PCDH15: variants seen among roughly 807,000 people sequenced by gnomAD.
PCDH15 encodes protocadherin-15.
Under a neutral mutation model 178.5 loss-of-function variants are expected in PCDH15, and 129 were observed. That is an observed-to-expected ratio of 0.72 (90% CI 0.63 to 0.84). The LOEUF (loss-of-function observed/expected upper bound fraction) is 0.84, where lower values mean the gene tolerates loss of function less well. PCDH15 is among the 40% of genes least tolerant of loss of function. PCDH15 has a pLI of 0.00. For missense variants in PCDH15, 2,230 were observed against 2,099.9 expected (o/e 1.06, Z -1.21); for synonymous variants, 800 against 732.0 (o/e 1.09, Z -1.50).
chr10:55,256,133 G>A (rs1469025697), intron 1 of PCDH15, among the ~76,000 whole-genome samples: 1 of 152,012 alleles, frequency 6.6e-6, no homozygotes, highest in Non-Finnish European at 1.5e-5. Flanking sequence ...TGTATAAGGT[G>A]TAAGGAAGAG....
At chr10:54,579,603 G>A (rs142625532) in intron 2 of PCDH15, among the ~76,000 whole-genome samples, 1 of 151,918 alleles carries the variant, frequency 6.6e-6, no homozygotes, top group Non-Finnish European at 1.5e-5. Context: ...AATAATCCTG[G>A]ACTTAAATTT....
intron 2 of PCDH15, among the ~76,000 whole-genome samples, chr10:54,528,723 G>A (rs1485581648): frequency 2.0e-5 from 3 of 151,974 alleles, no homozygotes; most frequent in African/African-American, 4.8e-5. Flanking sequence ...CTTATGAACA[G>A]TCTGTTATCT....
At chr10:55,131,574 T>C (rs1347421796) in intron 2 of PCDH15, among the ~76,000 whole-genome samples, 1 of 152,174 alleles carries the variant, frequency 6.6e-6, no homozygotes, top group Non-Finnish European at 1.5e-5. Flanking sequence ...TACAGACAAC[T>C]GGAGCATGAG....
At chr10:54,844,835 T>C (rs570789712) in intron 3 of PCDH15, among the ~76,000 whole-genome samples, 1 of 151,984 alleles carries the variant, frequency 6.6e-6, no homozygotes, top group Non-Finnish European at 1.5e-5. Flanking sequence ...ATGCACTTGA[T>C]GTTTTTTCAG....
At chr10:54,946,752 G>C (rs16906724) in intron 2 of PCDH15, among the ~76,000 whole-genome samples, 5,117 of 151,896 alleles carry the variant, frequency 0.034, 292 homozygotes, top group African/African-American at 0.11. Flanking sequence ...CTTATTACTT[G>C]ATGGAGCAAT....
intron 1 of PCDH15, among the ~76,000 whole-genome samples, chr10:55,276,461 A>G (rs1842599014): frequency 6.6e-6 from 1 of 151,158 alleles, no homozygotes; most frequent in Non-Finnish European, 1.5e-5. Flanking sequence ...AAAATATTTT[A>G]AAATTTATTG....
Position 55,492,028 on chromosome 10 carries a change from C to T in PCDH15, c.-156+135597G>A, listed in dbSNP as rs78799240. ...GGTCCGTGAAGTTTTAACCCTACTT[C>T]TGACCACAAACTGATTGAACAATAA... On this transcript the variant is annotated intron_variant, in intron 2 of 5. Coordinates refer to the PCDH15 transcript ENST00000613346. Among the ~76,000 whole-genome samples the T allele has an allele frequency of 1.9e-3, 290 of 151,798 alleles. 2 individuals are homozygous for T. The highest frequency in any genetic ancestry group is 6.8e-3 in the African/African-American group (283 of 41,450).
intron 3 of PCDH15, among the ~76,000 whole-genome samples, chr10:54,810,364 C>T (rs1441925016): frequency 1.3e-5 from 2 of 152,202 alleles, no homozygotes; most frequent in East Asian, 1.9e-4. Context: ...TTCCTTATTA[C>T]AGGAGTAGGA....
At chr10:53,962,215 T>C (rs759746194) in intron 21 of PCDH15, among the ~76,000 whole-genome samples, 26 of 152,180 alleles carry the variant, frequency 1.7e-4, no homozygotes, top group Non-Finnish European at 3.7e-4. Context: ...CAATATCTCC[T>C]TTTTTAAATT....
At chr10:55,058,279 C>T (rs1591866167) in intron 2 of PCDH15, among the ~76,000 whole-genome samples, 1 of 152,094 alleles carries the variant, frequency 6.6e-6, no homozygotes, top group Admixed American at 6.5e-5. Context: ...AGCAAAATCA[C>T]AACATGCTCT....
rs149526006 is a variant in PCDH15, at chr10:54,920,898, T to C, written c.-79-23398A>G. On this transcript the variant is annotated intron_variant, in intron 2 of 5. Transcript: ENST00000458638. ...AATGTAATGATGAATTATTTTGATA[T>C]AGTAACCCACAGTCTATTGACTGAT... Among the ~76,000 whole-genome samples, 63 of 152,312 alleles carry C rather than the reference T, an allele frequency of 4.1e-4. No individual in the cohort carries two copies. The East Asian group carries it at 0.01, about 25-fold the overall frequency.
intron 21 of PCDH15, 136 bp downstream of exon 21, chr10:53,995,513 A>G: frequency 6.6e-7 from 1 of 1,508,020 alleles, no homozygotes; most frequent in Non-Finnish European, 9.1e-7. Context: ...GAAATAAGTA[A>G]AAGAACATAA....
intron 3 of PCDH15, among the ~76,000 whole-genome samples, chr10:54,465,341 A>G (rs1401206504): frequency 6.6e-6 from 1 of 152,026 alleles, no homozygotes; most frequent in Non-Finnish European, 1.5e-5. Flanking sequence ...ATCACTGGAA[A>G]TTATTCTTTC....
At chr10:54,353,651 G>T (rs1469925237) in intron 5 of PCDH15, among the ~76,000 whole-genome samples, 1 of 151,264 alleles carries the variant, frequency 6.6e-6, no homozygotes, top group Non-Finnish European at 1.5e-5. Flanking sequence ...TCAACTTAAT[G>T]TTTTTTTTGT....
At chr10:54,609,147 T>C (rs1031694657) in intron 2 of PCDH15, among the ~76,000 whole-genome samples, 1 of 152,128 alleles carries the variant, frequency 6.6e-6, no homozygotes, top group African/African-American at 2.4e-5. Context: ...ATTTGGAAAA[T>C]ATAAATGAGC....
intron 3 of PCDH15, among the ~76,000 whole-genome samples, chr10:54,834,266 T>C (rs757500592): frequency 1.3e-5 from 2 of 151,816 alleles, no homozygotes; most frequent in Non-Finnish European, 2.9e-5. Flanking sequence ...CTTGGCTCAC[T>C]GCAACCTCCG....
intron 3 of PCDH15, among the ~76,000 whole-genome samples, chr10:54,837,724 C>T (rs1054895323): frequency 6.6e-6 from 1 of 152,006 alleles, no homozygotes; most frequent in Admixed American, 6.6e-5. Flanking sequence ...AGCAATAATT[C>T]GGCAGCCATT....
chr10:53,812,364 C>G (rs185101751), intron 35 of PCDH15, among the ~76,000 whole-genome samples: 1 of 147,238 alleles, frequency 6.8e-6, no homozygotes, highest in Admixed American at 6.9e-5. Flanking sequence ...CCCGCCACCA[C>G]GCCCGTCTAA....
intron 2 of PCDH15, among the ~76,000 whole-genome samples, chr10:54,929,709 G>T (rs1591790294): frequency 6.6e-6 from 1 of 152,146 alleles, no homozygotes; most frequent in East Asian, 1.9e-4. Context: ...ACAAGTCTGA[G>T]TGTGTGGCTT....
Sources: gnomAD v4.1 joint callset for allele counts (sites outside exome capture counted in the v4.1 genomes callset) on GRCh38, gnomAD v4.1.1 for gene constraint, MANE v1.5 for transcripts, NCBI Gene and HGNC (gene_info 2026-07-23, HGNC 2026-07-21) for gene names.